Variants in VWC2 observed in about 807,000 individuals in gnomAD.
The protein encoded by VWC2 is von Willebrand factor C domain containing 2.
A neutral mutation model predicts 29.8 loss-of-function variants in VWC2; 14 were observed. That is an observed-to-expected ratio of 0.47 (90% confidence interval 0.31 to 0.74). The LOEUF is 0.74. Ranked by LOEUF, VWC2 falls within the 30% of genes least tolerant of loss-of-function variation. The probability of loss-of-function intolerance (pLI) is 0.05; values close to 1 mark genes in which losing one functional copy is unlikely to be tolerated. For synonymous variants in VWC2, 213 were observed against 199.0 expected, an observed-to-expected ratio of 1.07 and a Z score of -0.59; for missense variants, 457 against 459.8, an observed-to-expected ratio of 0.99 and a Z score of 0.05.
intron 3 of VWC2, among the ~76,000 whole-genome samples, chr7:49,854,503 A>C (rs1790333493): frequency 6.6e-6 from 1 of 152,106 alleles, no homozygotes; most frequent in Admixed American, 6.5e-5. Context: ...TGGCTGCATA[A>C]ATGTCTTCTT....
At chr7:49,854,983 G>T (rs1790356339) in intron 3 of VWC2, among the ~76,000 whole-genome samples, 3 of 152,194 alleles carry the variant, frequency 2.0e-5, no homozygotes, top group African/African-American at 7.2e-5. Flanking sequence ...TAAGAGTAGT[G>T]CCAAGCTTCC....
chr7:49,825,063 T>C (rs1318044954), intron 3 of VWC2, among the ~76,000 whole-genome samples: 1 of 152,208 alleles, frequency 6.6e-6, no homozygotes, highest in African/African-American at 2.4e-5. Flanking sequence ...TTCTGTTCTT[T>C]ACATTGGATA....
intron 3 of VWC2, among the ~76,000 whole-genome samples, chr7:49,878,134 C>G (rs1791520647): frequency 6.6e-6 from 1 of 152,056 alleles, no homozygotes; most frequent in Non-Finnish European, 1.5e-5. Flanking sequence ...GTGCTTCTAC[C>G]CACAGCCTGG....
chr7:49,808,033 G>C (rs1166144627), intron 3 of VWC2, among the ~76,000 whole-genome samples: 1 of 151,916 alleles, frequency 6.6e-6, no homozygotes. Context: ...TTAGGTAGTG[G>C]GCTGCCTTCA....
At chr7:49,801,348 C>T (rs939593325) in intron 2 of VWC2, among the ~76,000 whole-genome samples, 10 of 152,180 alleles carry the variant, frequency 6.6e-5, no homozygotes, top group Non-Finnish European at 5.9e-5. Flanking sequence ...TTCCATGTCC[C>T]CCATTTCCAT....
At chr7:49,823,730 G>A (rs1789323439) in intron 3 of VWC2, among the ~76,000 whole-genome samples, 1 of 152,192 alleles carries the variant, frequency 6.6e-6, no homozygotes, top group Admixed American at 6.5e-5. Context: ...GGTCAAAACA[G>A]CACTTGTGAA....
intron 3 of VWC2, among the ~76,000 whole-genome samples, chr7:49,881,218 C>G (rs1191644047): frequency 6.6e-6 from 1 of 152,052 alleles, no homozygotes; most frequent in Non-Finnish European, 1.5e-5. Context: ...GGAGGAGAGT[C>G]CTGTTCAGGT....
chr7:49,887,093 T>C (rs1040185966), intron 3 of VWC2, among the ~76,000 whole-genome samples: 2 of 152,238 alleles, frequency 1.3e-5, no homozygotes, highest in African/African-American at 4.8e-5. Flanking sequence ...ATTAAACTAC[T>C]TGAATTATAA....
chr7:49,874,548 ATGTG>A (rs3062201), intron 3 of VWC2, among the ~76,000 whole-genome samples: 68 of 147,572 alleles, frequency 4.6e-4, no homozygotes, highest in East Asian at 2.4e-3. Flanking sequence ...ATGACTATAT[ATGTG>A]TGTGTGTGTG....
intron 3 of VWC2, among the ~76,000 whole-genome samples, chr7:49,849,762 C>T (rs538115516): frequency 2.8e-4 from 42 of 152,224 alleles, no homozygotes; most frequent in Non-Finnish European, 5.3e-4. Context: ...ATTCTGCTCT[C>T]TGAGAGTCTG....
Position 49,919,736 on chromosome 7 carries a change from A to G in VWC2, c.*7551A>G, listed in dbSNP as rs1464994088. ...AATGGTGAAGGTTGTGGGTGGACAGAGGTAGTCCCACTCATCCCCAGGGGG... is the reference window on the plus strand; with the variant it reads ...AATGGTGAAGGTTGTGGGTGGACAGGGGTAGTCCCACTCATCCCCAGGGGG... On this transcript the variant is annotated 3_prime_UTR_variant, in exon 4 of 4. Coordinates refer to ENST00000340652, the MANE Select transcript of VWC2 (RefSeq NM_198570.5). The G allele has an allele frequency of 6.6e-6, 1 of 152,352 alleles. No homozygotes were observed. Among genetic ancestry groups the G allele is most frequent in the African/African-American group, 2.4e-5 (1 of 41,446 alleles). The allele number at this position is 152,352 out of a possible 1,614,324, so 9.4% of individuals were successfully genotyped here. A position where few individuals can be genotyped will look rare whatever the true frequency, so the allele number is the denominator to read the frequency against.
chr7:49,832,232 G>A (rs900331541), intron 3 of VWC2, among the ~76,000 whole-genome samples: 2 of 152,146 alleles, frequency 1.3e-5, no homozygotes, highest in African/African-American at 4.8e-5. Flanking sequence ...GGATACAAAA[G>A]AGTGGGATAT....
intron 3 of VWC2, among the ~76,000 whole-genome samples, chr7:49,909,947 T>G (rs944131508): frequency 3.3e-5 from 5 of 149,608 alleles, no homozygotes; most frequent in Non-Finnish European, 7.4e-5. Flanking sequence ...CTCCAAAGAT[T>G]TTTTTTTTTA....
chr7:49,798,131 C>T (rs538293026), intron 2 of VWC2, among the ~76,000 whole-genome samples: 46 of 152,338 alleles, frequency 3.0e-4, no homozygotes, highest in Middle Eastern at 3.4e-3. Flanking sequence ...CCTTTAGTTT[C>T]CATGTGGGAC....
At chr7:49,789,162 TATGTGTGTGTTAGC>T (rs1425018884) in intron 2 of VWC2, among the ~76,000 whole-genome samples, 65 of 146,418 alleles carry the variant, frequency 4.4e-4, no homozygotes, top group African/African-American at 1.5e-3. Flanking sequence ...AGTGTGGCTG[TATGTGTGTGTTAGC>T]ATGTGTGTGG....
At chr7:49,875,978 G>A (rs968720714) in intron 3 of VWC2, among the ~76,000 whole-genome samples, 4 of 152,118 alleles carry the variant, frequency 2.6e-5, no homozygotes, top group African/African-American at 9.7e-5. Flanking sequence ...GTTGCATTGT[G>A]CTGGCACACT....
intron 3 of VWC2, among the ~76,000 whole-genome samples, chr7:49,844,176 A>T (rs190084859): frequency 1.1e-4 from 17 of 152,352 alleles, no homozygotes; most frequent in African/African-American, 4.1e-4. Context: ...CTCAGACGGG[A>T]ATCGCACACT....
At chr7:49,805,033 A>AG (rs1327034128) in intron 3 of VWC2, among the ~76,000 whole-genome samples, 1 of 152,218 alleles carries the variant, frequency 6.6e-6, no homozygotes, top group Admixed American at 6.5e-5. Context: ...AAGTGTGCAG[A>AG]AATGTTAAAT....
intron 3 of VWC2, among the ~76,000 whole-genome samples, chr7:49,810,248 A>G (rs1009584361): frequency 3.9e-5 from 6 of 152,114 alleles, no homozygotes; most frequent in Admixed American, 3.3e-4. Context: ...ACATTTTTGT[A>G]GTATACAATG....
Sources: allele counts gnomAD v4.1 joint callset (sites outside exome capture counted in the v4.1 genomes callset), GRCh38; gene constraint gnomAD v4.1.1; transcripts MANE v1.5; gene names NCBI Gene and HGNC (gene_info 2026-07-23, HGNC 2026-07-21).